The following TNIK variants were observed in gnomAD, a reference collection of about 807,000 sequenced individuals.
TNIK encodes the protein TRAF2 and NCK-interacting protein kinase.
A neutral mutation model predicts 191.3 loss-of-function variants in TNIK; 49 were observed. The ratio of observed to expected loss-of-function variants is 0.26; its 90% CI spans 0.20 to 0.32. TNIK has a LOEUF of 0.32. Among genes scored for constraint, TNIK ranks in the 10% least tolerant of loss-of-function variants. TNIK has a pLI of 1.00. For synonymous variants in TNIK, 594 were observed against 600.9 expected (o/e 0.99, Z 0.17); for missense variants, 1,155 against 1,702.3 (o/e 0.68, Z 5.66).
chr3:171,310,587 A>G (rs1753913389), intron 2 of TNIK, among the ~76,000 whole-genome samples: 1 of 152,202 alleles, frequency 6.6e-6, no homozygotes, highest in Admixed American at 6.5e-5. Flanking sequence ...GGCCTTCCTG[A>G]AAGTTAACAG....
At chr3:171,294,392 G>A (rs905304044) in intron 2 of TNIK, among the ~76,000 whole-genome samples, 3 of 151,598 alleles carry the variant, frequency 2.0e-5, no homozygotes, top group Non-Finnish European at 4.4e-5. Flanking sequence ...CCACTGCACT[G>A]CAGCCTGGGT....
chr3:171,434,008 T>C (rs182488104), intron 1 of TNIK, among the ~76,000 whole-genome samples: 3 of 137,306 alleles, frequency 2.2e-5, no homozygotes, highest in Non-Finnish European at 3.0e-5. Context: ...TGCAGAAGCA[T>C]GAGCTCAGCT....
chr3:171,343,294 A>AT (rs879553988), intron 2 of TNIK, among the ~76,000 whole-genome samples: 119 of 152,324 alleles, frequency 7.8e-4, no homozygotes, highest in Admixed American at 1.4e-3. Context: ...TTACTTCAAT[A>AT]TGATGTAATG....
intron 2 of TNIK, among the ~76,000 whole-genome samples, chr3:171,305,739 A>G (rs896458856): frequency 2.6e-5 from 4 of 152,212 alleles, no homozygotes; most frequent in Non-Finnish European, 5.9e-5. Flanking sequence ...GTTGCATGGA[A>G]AAGGCAACGC....
At chr3:171,349,305 G>A (rs1250614955) in intron 2 of TNIK, among the ~76,000 whole-genome samples, 1 of 152,160 alleles carries the variant, frequency 6.6e-6, no homozygotes, top group Non-Finnish European at 1.5e-5. Context: ...ACACTGGCAA[G>A]AGAGCAAGAA....
At chr3:171,430,618 C>T (rs73173666) in intron 1 of TNIK, among the ~76,000 whole-genome samples, 4,014 of 129,276 alleles carry the variant, frequency 0.031, 72 homozygotes, top group African/African-American at 0.059. Flanking sequence ...AGCCCTGGCC[C>T]AGAGTGACAC....
Position 171,107,234 on chromosome 3 carries a change from G to A in TNIK, c.2383-28C>T, listed in dbSNP as rs561948918. ...GAAATGAGAGGAACCCAATCCAGAAGAATCCACAGAAGGAGGAAAAGCCAG... is the reference window on the plus strand; with the variant it reads ...GAAATGAGAGGAACCCAATCCAGAAAAATCCACAGAAGGAGGAAAAGCCAG... On this transcript the variant is annotated intron_variant, in intron 20 of 32. Coordinates refer to ENST00000436636, the MANE Select transcript of TNIK (RefSeq NM_015028.4). 54 of 1,606,698 alleles carry A rather than the reference G, an allele frequency of 3.4e-5. No homozygotes were observed. In the South Asian group the frequency reaches 5.8e-4, roughly 17 times the overall value.
At chr3:171,345,243 T>C (rs1242223093) in intron 2 of TNIK, among the ~76,000 whole-genome samples, 1 of 152,208 alleles carries the variant, frequency 6.6e-6, no homozygotes, top group Non-Finnish European at 1.5e-5. Flanking sequence ...TCCTTTTTTG[T>C]TTGGGATTCT....
intron 7 of TNIK, among the ~76,000 whole-genome samples, chr3:171,185,770 CA>C (rs1737286672): frequency 6.6e-6 from 1 of 152,236 alleles, no homozygotes; most frequent in African/African-American, 2.4e-5. Flanking sequence ...TTAGACACAT[CA>C]AAAAATAATT....
At chr3:171,110,614 G>A (rs1725698367) in intron 19 of TNIK, 100 bp downstream of exon 19, 1 of 1,416,820 alleles carries the variant, frequency 7.1e-7, no homozygotes, top group Non-Finnish European at 9.4e-7. Context: ...CACAGTGGTG[G>A]CCATGCCTGG....
intron 2 of TNIK, among the ~76,000 whole-genome samples, chr3:171,302,720 T>A (rs1309091837): frequency 6.6e-6 from 1 of 152,236 alleles, no homozygotes; most frequent in Non-Finnish European, 1.5e-5. Flanking sequence ...TGTTTTAGTA[T>A]CTAAAGAGAA....
intron 11 of TNIK, among the ~76,000 whole-genome samples, chr3:171,160,934 T>C (rs1418881969): frequency 6.6e-6 from 1 of 152,212 alleles, no homozygotes; most frequent in Non-Finnish European, 1.5e-5. Context: ...CTTAGGTCTC[T>C]AGAAAGTTGC....
At chr3:171,202,742 CTG>C (rs1467903257) in intron 4 of TNIK, among the ~76,000 whole-genome samples, 1 of 152,200 alleles carries the variant, frequency 6.6e-6, no homozygotes, top group Non-Finnish European at 1.5e-5. Context: ...AGCTTCAGAT[CTG>C]TGTTTGTATC....
At chr3:171,082,572 G>A (rs767955372) in intron 26 of TNIK, 178 bp from the exon 27 acceptor site, 3 of 720,316 alleles carry the variant, frequency 4.2e-6, no homozygotes, top group Non-Finnish European at 6.4e-6. Context: ...TTGTACTTCT[G>A]GTAATGAAAT....
At chr3:171,187,993 C>T (rs747682727) in intron 7 of TNIK, among the ~76,000 whole-genome samples, 4 of 152,134 alleles carry the variant, frequency 2.6e-5, no homozygotes, top group Non-Finnish European at 4.4e-5. Flanking sequence ...ATTAGAAAGC[C>T]GTGTCACCTG....
In TNIK at chr3:171,290,387, T is replaced by C. The variant is rs76025551; in HGVS notation, c.124-62166A>G. Among the ~76,000 whole-genome samples, 4 of 152,330 alleles carry C rather than the reference T, an allele frequency of 2.6e-5. No individual in the cohort carries two copies. In the East Asian group the frequency reaches 7.7e-4, roughly 29 times the overall value. On this transcript the variant is annotated intron_variant, in intron 2 of 32. Transcript: ENST00000436636. ...GAGGGTTATTTGATCTAAGACAAATTACTTACCATCTGCAAATAGGGAAAT... is the reference window on the plus strand; with the variant it reads ...GAGGGTTATTTGATCTAAGACAAATCACTTACCATCTGCAAATAGGGAAAT...
chr3:171,329,501 C>A (rs1033461730), intron 2 of TNIK, among the ~76,000 whole-genome samples: 1 of 152,126 alleles, frequency 6.6e-6, no homozygotes, highest in Non-Finnish European at 1.5e-5. Flanking sequence ...AGCTTCAGTT[C>A]CCTCACATAT....
intron 7 of TNIK, among the ~76,000 whole-genome samples, chr3:171,188,339 A>T (rs1486675483): frequency 6.6e-6 from 1 of 152,214 alleles, no homozygotes; most frequent in Non-Finnish European, 1.5e-5. Flanking sequence ...CAACAAACTC[A>T]CATCTTAGTT....
chr3:171,116,527 G>A (rs1726724273), intron 18 of TNIK, among the ~76,000 whole-genome samples: 2 of 152,194 alleles, frequency 1.3e-5, no homozygotes, highest in Non-Finnish European at 2.9e-5. Flanking sequence ...TAATTTTGTG[G>A]CCCAAATACT....
Sources: allele counts gnomAD v4.1 joint callset (sites outside exome capture counted in the v4.1 genomes callset), GRCh38; gene constraint gnomAD v4.1.1; transcripts MANE v1.5; gene names NCBI Gene and HGNC (gene_info 2026-07-23, HGNC 2026-07-21).